RPN2: variants seen among roughly 807,000 people sequenced by gnomAD.
The protein encoded by RPN2 is ribophorin II.
A neutral mutation model predicts 71.4 loss-of-function variants in RPN2; 29 were observed. The observed-to-expected ratio is 0.41, with a 90% CI of 0.30 to 0.55. The LOEUF (loss-of-function observed/expected upper bound fraction) is 0.55, where lower values mean the gene tolerates loss of function less well. Ranked by LOEUF, RPN2 falls within the 20% of genes least tolerant of loss-of-function variation. The pLI is 0.35. For synonymous variants in RPN2, 308 were observed against 305.0 expected, an observed-to-expected ratio of 1.01 and a Z score of -0.10; for missense variants, 726 against 774.1, an observed-to-expected ratio of 0.94 and a Z score of 0.74.
chr20:37,227,118 A>C (rs2146675072), intron 11 of RPN2, among the ~76,000 whole-genome samples: 1 of 151,982 alleles, frequency 6.6e-6, no homozygotes, highest in South Asian at 2.1e-4. Flanking sequence ...TCTCCTCCCT[A>C]CTCCCAAACT....
chr20:37,179,545 G>T, intron 1 of RPN2, 176 bp downstream of exon 1: 1 of 1,388,904 alleles, frequency 7.2e-7, no homozygotes, highest in African/African-American at 1.5e-5. Flanking sequence ...GAGCTGGTGG[G>T]AGTGCCCGCG....
chr20:37,196,267 C>T (rs12481013), intron 2 of RPN2, among the ~76,000 whole-genome samples: 107,366 of 147,208 alleles, frequency 0.73, 39,291 homozygotes, highest in Middle Eastern at 0.81. Flanking sequence ...CTCGCTCTGT[C>T]GCCCAGGCTG....
At chr20:37,236,118 C>T (rs575829976) in intron 15 of RPN2, among the ~76,000 whole-genome samples, 134 of 61,484 alleles carry the variant, frequency 2.2e-3, no homozygotes, top group African/African-American at 7.0e-3. Context: ...TGTTTTGAGA[C>T]GAGGTATCAC....
intron 2 of RPN2, among the ~76,000 whole-genome samples, chr20:37,187,228 C>T (rs1176134762): frequency 1.1e-4 from 1 of 9,152 alleles, no homozygotes; most frequent in South Asian, 2.6e-3. Flanking sequence ...TTTGGCGGGG[C>T]GCGGTGGCTC....
In RPN2 at chr20:37,203,935, T is replaced by G; in HGVS notation, c.530T>G (p.Leu177Arg). 6.2e-7 allele frequency: 1 copy of G among 1,614,026 alleles called. No individual in the cohort carries two copies. Among genetic ancestry groups the G allele is most frequent in the Non-Finnish European group, 8.5e-7 (1 of 1,179,870 alleles). ...TCCCACCTGTCCCAGCAGGCTGACC[T>G]GAGGAGCATCGTGGAGGAGATTGAG... ...TASHLSQQAD[L>R]RSIVEEIEDL... is the part of the protein sequence containing the mutation. Residue 177 changes from leucine to arginine, a missense_variant, in exon 5 of 17, where the codon CTG becomes CGG. By Grantham distance (102) the Leu-to-Arg change is moderately radical (BLOSUM62 -2). Coordinates refer to ENST00000237530, the MANE Select transcript of RPN2 (RefSeq NM_002951.5).
At chr20:37,194,110 C>G (rs1325236042) in intron 2 of RPN2, among the ~76,000 whole-genome samples, 1 of 152,156 alleles carries the variant, frequency 6.6e-6, no homozygotes, top group Non-Finnish European at 1.5e-5. Context: ...ATGTCCTCTG[C>G]TTCGACAATT....
chr20:37,192,413 A>G (rs1387577201), intron 2 of RPN2, among the ~76,000 whole-genome samples: 1 of 152,224 alleles, frequency 6.6e-6, no homozygotes. Context: ...AGAGGCAGAC[A>G]GGCTGTTTGT....
At chr20:37,226,626 G>A (rs887643507) in intron 11 of RPN2, among the ~76,000 whole-genome samples, 1 of 152,112 alleles carries the variant, frequency 6.6e-6, no homozygotes, top group African/African-American at 2.4e-5. Context: ...GTATTTGTGG[G>A]ACTCTGAAGA....
intron 6 of RPN2, among the ~76,000 whole-genome samples, chr20:37,205,426 A>T (rs773080058): frequency 5.3e-5 from 8 of 152,122 alleles, no homozygotes; most frequent in African/African-American, 1.9e-4. Context: ...TTAACCTGAA[A>T]GAATCTTTAG....
At chr20:37,233,949 AT>A (rs1410437030) in intron 14 of RPN2, 70 bp from the exon 15 acceptor site, 3 of 1,536,700 alleles carry the variant, frequency 2.0e-6, no homozygotes, top group Non-Finnish European at 2.7e-6. Context: ...TGGGATTAGC[AT>A]TGGCATGGCT....
intron 16 of RPN2, among the ~76,000 whole-genome samples, chr20:37,236,972 T>C (rs561973306): frequency 6.6e-6 from 1 of 152,244 alleles, no homozygotes; most frequent in African/African-American, 2.4e-5. Context: ...TTTATGAAGA[T>C]GAAAATGCAT....
intron 2 of RPN2, among the ~76,000 whole-genome samples, chr20:37,194,196 A>G (rs2067206217): frequency 6.6e-6 from 1 of 152,162 alleles, no homozygotes; most frequent in African/African-American, 2.4e-5. Context: ...AGACTGGAGC[A>G]GTGTGGCTGT....
intron 15 of RPN2, 33 bp downstream of exon 15, chr20:37,234,128 G>T (rs370837877): frequency 6.2e-7 from 1 of 1,608,102 alleles, no homozygotes; most frequent in East Asian, 2.2e-5. Context: ...TACCTGTAAC[G>T]TCCTCTGACA....
chr20:37,241,416 T>C lies in RPN2; in HGVS notation c.*101T>C. 7.1e-7 allele frequency: 1 copy of C among 1,408,100 alleles called. No homozygotes were observed. Among genetic ancestry groups the C allele is most frequent in the Non-Finnish European group, 9.7e-7 (1 of 1,026,882 alleles). The allele number at this position is 1,408,100 out of a possible 1,614,324, so 87.2% of individuals were successfully genotyped here. A position where few individuals can be genotyped will look rare whatever the true frequency, so the allele number is the denominator to read the frequency against. ...AAAAATGGAAAAAAAAAACTTTATT[T>C]AAAAAAGAAAAAAGTCCAGATTGTA... On this transcript the variant is annotated 3_prime_UTR_variant, in exon 17 of 17. Coordinates refer to ENST00000237530, the MANE Select transcript of RPN2 (RefSeq NM_002951.5).
chr20:37,230,933 AAG>A (rs2068227171), intron 13 of RPN2, among the ~76,000 whole-genome samples: 1 of 151,948 alleles, frequency 6.6e-6, no homozygotes, highest in Non-Finnish European at 1.5e-5. Flanking sequence ...GGCAGCAAAG[AAG>A]AGCAGAGGTC....
chr20:37,179,385 T>TAGCTTATAGACA lies in RPN2; in HGVS notation c.13+16_13+17insAGCTTATAGACA, dbSNP rs763402609. On this transcript the variant is annotated intron_variant, in intron 1 of 16. Transcript: ENST00000237530. ...GCGCCGCCGGGTGAGGAGTTGCGCG[T>TAGCTTATAGACA]GGCTTTGGGGAGAGGGCTGTCGCCC... 1.8e-4 allele frequency: 52 copies of TAGCTTATAGACA among 294,404 alleles called. No homozygotes were observed. The highest frequency in any genetic ancestry group is 3.1e-4 in the African/African-American group (2 of 6,520). 18.2% of individuals were successfully genotyped at this position (294,404 alleles called of 1,614,324 possible).
intron 9 of RPN2, among the ~76,000 whole-genome samples, chr20:37,223,028 T>G (rs962607331): frequency 6.6e-6 from 1 of 152,188 alleles, no homozygotes. Flanking sequence ...CTTTAGGTGG[T>G]CAACTGGAGG....
At chr20:37,230,133 C>G (rs934648325) in intron 13 of RPN2, 74 bp downstream of exon 13, 7 of 1,116,714 alleles carry the variant, frequency 6.3e-6, no homozygotes, top group Non-Finnish European at 6.9e-6. Context: ...TGGCTCTGCT[C>G]CCTTTAACTT....
intron 14 of RPN2, among the ~76,000 whole-genome samples, chr20:37,233,080 A>C (rs2068293939): frequency 6.6e-6 from 1 of 151,972 alleles, no homozygotes; most frequent in East Asian, 1.9e-4. Flanking sequence ...AAAAAAAAAA[A>C]TTAATGGTGA....
Sources: gnomAD v4.1 joint callset for allele counts (sites outside exome capture counted in the v4.1 genomes callset) on GRCh38, gnomAD v4.1.1 for gene constraint, MANE v1.5 for transcripts, NCBI Gene and HGNC (gene_info 2026-07-23, HGNC 2026-07-21) for gene names.